PRKCI: variants seen among roughly 807,000 people sequenced by gnomAD.
The protein encoded by PRKCI is protein kinase C iota type.
Under a neutral mutation model 84.0 loss-of-function variants are expected in PRKCI, and 43 were observed. The observed-to-expected ratio is 0.51, with a 90% confidence interval of 0.40 to 0.66. PRKCI has a LOEUF of 0.66. PRKCI is among the 30% of genes least tolerant of loss of function. The probability of loss-of-function intolerance (pLI) is 0.00; values close to 1 mark genes in which losing one functional copy is unlikely to be tolerated. For missense variants in PRKCI, 459 were observed against 745.6 expected (o/e 0.62, Z 4.48); for synonymous variants, 216 against 234.4 (o/e 0.92, Z 0.72).
chr3:170,292,246 T>C (rs1734569445), intron 13 of PRKCI, among the ~76,000 whole-genome samples: 1 of 152,150 alleles, frequency 6.6e-6, no homozygotes, highest in Non-Finnish European at 1.5e-5. Context: ...CCCTGTGAGG[T>C]AAGTACTATT....
intron 12 of PRKCI, among the ~76,000 whole-genome samples, chr3:170,288,871 A>C (rs1734467282): frequency 6.6e-6 from 1 of 152,236 alleles, no homozygotes. Flanking sequence ...CTGAAGCTTG[A>C]CTTCATGCAA....
intron 1 of PRKCI, among the ~76,000 whole-genome samples, chr3:170,230,648 G>A (rs934061765): frequency 3.9e-5 from 6 of 152,154 alleles, no homozygotes; most frequent in Admixed American, 1.3e-4. Flanking sequence ...AACTTTTAAA[G>A]TGATTATCTT....
At chr3:170,230,711 CT>C (rs1365795925) in intron 1 of PRKCI, among the ~76,000 whole-genome samples, 2 of 151,576 alleles carry the variant, frequency 1.3e-5, no homozygotes, top group Admixed American at 1.3e-4. Context: ...ACTGACACAA[CT>C]TTTTTTTTCT....
intron 2 of PRKCI, among the ~76,000 whole-genome samples, chr3:170,248,383 A>C (rs1003722435): frequency 2.7e-5 from 2 of 73,908 alleles, no homozygotes; most frequent in Non-Finnish European, 6.8e-5. Flanking sequence ...GGGGGGGGAA[A>C]AAACCTGCTG....
At chr3:170,253,355 T>C (rs937506826) in intron 2 of PRKCI, among the ~76,000 whole-genome samples, 3 of 152,244 alleles carry the variant, frequency 2.0e-5, no homozygotes, top group Non-Finnish European at 4.4e-5. Flanking sequence ...GCATTTGTTA[T>C]TGCCTCTCTT....
chr3:170,258,879 C>T (rs911055642), intron 2 of PRKCI, among the ~76,000 whole-genome samples: 1 of 152,138 alleles, frequency 6.6e-6, no homozygotes, highest in Non-Finnish European at 1.5e-5. Flanking sequence ...TCTAACTAAT[C>T]GTATTGTGGC....
intron 12 of PRKCI, among the ~76,000 whole-genome samples, chr3:170,287,413 A>G (rs1241602325): frequency 6.6e-6 from 1 of 151,700 alleles, no homozygotes; most frequent in Admixed American, 6.6e-5. Flanking sequence ...AACATATAGA[A>G]TTGTCTGATT....
intron 2 of PRKCI, among the ~76,000 whole-genome samples, chr3:170,239,741 GTT>G (rs1306055398): frequency 2.1e-5 from 3 of 140,202 alleles, no homozygotes; most frequent in Admixed American, 7.1e-5. Context: ...ATGGTAGAGT[GTT>G]TTTTTTTTTT....
chr3:170,235,969 A>G (rs975766643), intron 2 of PRKCI, among the ~76,000 whole-genome samples: 1 of 150,522 alleles, frequency 6.6e-6, no homozygotes, highest in Non-Finnish European at 1.5e-5. Context: ...TTTATTTTTT[A>G]AAGACAGGGT....
chr3:170,280,515 C>A, intron 9 of PRKCI, 112 bp downstream of exon 9: 1 of 970,404 alleles, frequency 1.0e-6, no homozygotes, highest in Non-Finnish European at 1.5e-6. Flanking sequence ...GTGGTGCAAT[C>A]TTGGCTCACT....
chr3:170,276,751 C>T (rs1577364717), intron 8 of PRKCI, among the ~76,000 whole-genome samples: 1 of 152,140 alleles, frequency 6.6e-6, no homozygotes, highest in South Asian at 2.1e-4. Flanking sequence ...GCTAAGTCTC[C>T]GAAAACAATT....
At chr3:170,236,315 G>C (rs1438266278) in intron 2 of PRKCI, among the ~76,000 whole-genome samples, 1 of 151,640 alleles carries the variant, frequency 6.6e-6, no homozygotes, top group African/African-American at 2.4e-5. Flanking sequence ...TGCCCAGGCT[G>C]GTCTTGAACT....
intron 1 of PRKCI, among the ~76,000 whole-genome samples, chr3:170,226,622 G>T (rs567428355): frequency 3.0e-4 from 46 of 152,264 alleles, no homozygotes; most frequent in Admixed American, 1.2e-3. Flanking sequence ...AGAAATAAAA[G>T]ATTAACTCTT....
intron 1 of PRKCI, among the ~76,000 whole-genome samples, chr3:170,227,525 G>A (rs1384962967): frequency 6.6e-6 from 1 of 152,194 alleles, no homozygotes. Context: ...GGCTTTTAAA[G>A]GATAACTAGG....
chr3:170,281,824 C>T lies in PRKCI; in HGVS notation c.981-58C>T, dbSNP rs376173172. ...TCTGTTGTGATGGTTTCTGAAAATG[C>T]AAAGTTACACTACCTTATTTTGGAT... On this transcript the variant is annotated intron_variant, in intron 10 of 17. Coordinates refer to ENST00000295797, the MANE Select transcript of PRKCI (RefSeq NM_002740.6). The T allele has an allele frequency of 3.3e-6, 5 of 1,516,074 alleles. No individual in the cohort carries two copies. The African/African-American group carries it at 7.1e-5, about 21-fold the overall frequency. 93.9% of individuals were successfully genotyped at this position (1,516,074 alleles called of 1,614,324 possible). A position where few individuals can be genotyped will look rare whatever the true frequency, so the allele number is the denominator to read the frequency against.
intron 12 of PRKCI, among the ~76,000 whole-genome samples, chr3:170,290,077 A>C (rs993122770): frequency 6.6e-6 from 1 of 152,080 alleles, no homozygotes; most frequent in Non-Finnish European, 1.5e-5. Context: ...GGTCTCAAAA[A>C]AAAAAAAAAG....
intron 2 of PRKCI, among the ~76,000 whole-genome samples, chr3:170,240,186 A>T (rs1304127879): frequency 6.6e-6 from 1 of 152,134 alleles, no homozygotes; most frequent in East Asian, 1.9e-4. Flanking sequence ...ATGTGTATAT[A>T]TATATTTGTG....
At chr3:170,260,764 T>G (rs1393214659) in intron 3 of PRKCI, among the ~76,000 whole-genome samples, 3 of 152,118 alleles carry the variant, frequency 2.0e-5, no homozygotes, top group Non-Finnish European at 4.4e-5. Context: ...ATTTACATGA[T>G]GCTTTAGAGA....
rs35355260 is a variant in PRKCI at position 170,248,853 on chromosome 3, C to CTTTT, written c.224-11107_224-11104dup. ...GAATTGGCTTTTTTCTTTTTCTTTT[C>CTTTT]TTTTTTTTTTTTGAGAGGGAGTCTT... is the stretch of plus-strand genomic sequence containing the variant. On this transcript the variant is annotated intron_variant, in intron 2 of 17. Transcript: ENST00000295797. 4.1e-3 allele frequency among the ~76,000 whole-genome samples: 590 copies of CTTTT among 142,442 alleles called. 5 individuals are homozygous for CTTTT. Among genetic ancestry groups the CTTTT allele is most frequent in the African/African-American group, 0.013 (514 of 38,846 alleles). 93.4% of individuals were successfully genotyped at this position (142,442 alleles called of 152,430 possible).
Sources: allele counts gnomAD v4.1 joint callset (sites outside exome capture counted in the v4.1 genomes callset), GRCh38; gene constraint gnomAD v4.1.1; transcripts MANE v1.5; gene names NCBI Gene and HGNC (gene_info 2026-07-23, HGNC 2026-07-21).